ZFYVE28: variants seen among roughly 807,000 people sequenced by gnomAD.
The protein encoded by ZFYVE28 is zinc finger FYVE-type containing 28.
ZFYVE28 carries 40 observed loss-of-function variants against 82.1 expected under a neutral mutation model. That is an observed-to-expected ratio of 0.49 (90% CI 0.38 to 0.63). ZFYVE28 has a LOEUF of 0.63. Among genes scored for constraint, ZFYVE28 ranks in the 30% least tolerant of loss-of-function variants. The pLI is 0.00. For synonymous variants in ZFYVE28, 612 were observed against 546.1 expected (o/e 1.12, Z -1.68); for missense variants, 1,321 against 1,242.1 (o/e 1.06, Z -0.96).
intron 1 of ZFYVE28, among the ~76,000 whole-genome samples, chr4:2,414,545 G>A (rs901827851): frequency 4.6e-5 from 7 of 152,204 alleles, no homozygotes; most frequent in East Asian, 1.9e-4. Context: ...GCAGACAAGC[G>A]AGCTCTTCTC....
At chr4:2,383,202 T>C (rs1439459582) in intron 1 of ZFYVE28, among the ~76,000 whole-genome samples, 1 of 152,114 alleles carries the variant, frequency 6.6e-6, no homozygotes, top group Non-Finnish European at 1.5e-5. Context: ...TCCACCCAAA[T>C]CTCATCTTGA....
intron 1 of ZFYVE28, among the ~76,000 whole-genome samples, chr4:2,398,932 G>T (rs867835919): frequency 1.5e-5 from 2 of 129,356 alleles, no homozygotes; most frequent in South Asian, 3.0e-4. Context: ...GGCACAAGCG[G>T]GGGCAAGATC....
intron 7 of ZFYVE28, among the ~76,000 whole-genome samples, chr4:2,307,782 C>T (rs1716814244): frequency 6.6e-6 from 1 of 152,204 alleles, no homozygotes; most frequent in African/African-American, 2.4e-5. Context: ...CATGAGCCAC[C>T]ATGCCTGGAT....
intron 1 of ZFYVE28, among the ~76,000 whole-genome samples, chr4:2,400,242 C>G (rs189772447): frequency 6.6e-6 from 1 of 152,336 alleles, no homozygotes; most frequent in East Asian, 1.9e-4. Flanking sequence ...TTATACATAG[C>G]TGGTCTGGTC....
chr4:2,418,443 G>C lies in ZFYVE28; in HGVS notation c.-120C>G. On this transcript the variant is annotated 5_prime_UTR_variant, in exon 1 of 13. Transcript: ENST00000290974. The surrounding 1 kb of genome is among the most constrained non-coding windows in gnomAD (Gnocchi z 4.6). Reference sequence around the variant, plus strand: ...GGCCGGAGCCCCCGCGCTGTCGCAGGGAGGCTGGCTAGCGAAGCCCGGAGC... The same window carrying C: ...GGCCGGAGCCCCCGCGCTGTCGCAGCGAGGCTGGCTAGCGAAGCCCGGAGC... 1 of 820,604 alleles carries C rather than the reference G, an allele frequency of 1.2e-6. No individual in the cohort carries two copies. The highest frequency in any genetic ancestry group is 1.9e-5 in the African/African-American group (1 of 54,016). 50.8% of individuals were successfully genotyped at this position (820,604 alleles called of 1,614,324 possible).
chr4:2,408,675 G>A lies in ZFYVE28; in HGVS notation c.39+9610C>T, dbSNP rs1247690049. 2.6e-5 allele frequency among the ~76,000 whole-genome samples: 4 copies of A among 152,050 alleles called. No individual in the cohort carries two copies. The highest frequency in any genetic ancestry group is 2.6e-4 in the Admixed American group (4 of 15,272). ...CATCCAGATAGAGTCCCGCCCAGAT[G>A]AGTACCACCCAGGTAAGCCTGCCTA... On this transcript the variant is annotated intron_variant, in intron 1 of 12. Transcript: ENST00000290974. This position sits in a 1 kb window ranked among gnomAD's most constrained non-coding sequence, Gnocchi z 4.3.
At chr4:2,374,507 G>A (rs777934790) in intron 1 of ZFYVE28, among the ~76,000 whole-genome samples, 32 of 152,152 alleles carry the variant, frequency 2.1e-4, no homozygotes, top group Non-Finnish European at 4.0e-4. Context: ...CAGCCACTAG[G>A]GAGGCTGAGG....
intron 6 of ZFYVE28, chr4:2,324,755 A>C (rs1327694620): frequency 6.3e-6 from 1 of 158,348 alleles, no homozygotes; most frequent in Non-Finnish European, 1.4e-5. Flanking sequence ...CCAGGAGTAG[A>C]TAAAACCAAA....
chr4:2,359,034 G>A (rs1413681725), intron 1 of ZFYVE28, among the ~76,000 whole-genome samples: 1 of 150,522 alleles, frequency 6.6e-6, no homozygotes, highest in East Asian at 1.9e-4. Context: ...GAGTGCAGTG[G>A]TGCAATCTCA....
rs919579450 is a variant in ZFYVE28, at chr4:2,341,351, G to T, written c.318+127C>A. On this transcript the variant is annotated intron_variant, in intron 3 of 12. Coordinates refer to ENST00000290974, the MANE Select transcript of ZFYVE28 (RefSeq NM_020972.3). The surrounding 1 kb of genome is among the most constrained non-coding windows in gnomAD (Gnocchi z 4.5). Reference sequence around the variant, plus strand: ...CTCAGACCACACCACGTAACCCAGAGTGGACGGAGCTCTTGGAGGAGACAC... The same window carrying T: ...CTCAGACCACACCACGTAACCCAGATTGGACGGAGCTCTTGGAGGAGACAC... 1.5e-6 allele frequency: 2 copies of T among 1,332,926 alleles called. No individual in the cohort carries two copies. The allele number at this position is 1,332,926 out of a possible 1,614,324, so 82.6% of individuals were successfully genotyped here. A position where few individuals can be genotyped will look rare whatever the true frequency, so the allele number is the denominator to read the frequency against.
chr4:2,364,506 T>C (rs1726596353), intron 1 of ZFYVE28: 18 of 985,444 alleles, frequency 1.8e-5, no homozygotes, highest in Non-Finnish European at 1.9e-5. Context: ...GCTGTGCCTG[T>C]TTAGAGGAAT....
chr4:2,304,717 C>T lies in ZFYVE28; in HGVS notation c.1623G>A (p.Val541=), dbSNP rs889267840. ...GGGGGCCGCCATCCATCCCCTCGGC[C>T]ACGGGCTCCGAGGCGGCCTCCTGGG... The part of the protein sequence containing the change: ...VATQEAASEP[V]AEGMDGGPHK... Residue 541 remains valine (V), a synonymous_variant, in exon 8 of 13, where the codon GTG becomes GTA. Coordinates refer to ENST00000290974, the MANE Select transcript of ZFYVE28 (RefSeq NM_020972.3). 1 of 1,612,738 alleles carries T rather than the reference C, an allele frequency of 6.2e-7. No homozygotes were observed. Among genetic ancestry groups the T allele is most frequent in the South Asian group, 1.1e-5 (1 of 91,072 alleles).
chr4:2,292,253 G>A (rs1222725358), intron 8 of ZFYVE28, among the ~76,000 whole-genome samples: 3 of 152,218 alleles, frequency 2.0e-5, no homozygotes, highest in Non-Finnish European at 2.9e-5. Context: ...CCACCTTGAA[G>A]GCAGCTGTGG....
intron 1 of ZFYVE28, among the ~76,000 whole-genome samples, chr4:2,374,409 C>A (rs952415292): frequency 2.0e-5 from 3 of 151,906 alleles, no homozygotes; most frequent in Middle Eastern, 3.2e-3. Flanking sequence ...TCCAGGAGCT[C>A]GAGACCAGCC....
intron 8 of ZFYVE28, among the ~76,000 whole-genome samples, chr4:2,281,165 TAC>T (rs1560133261): frequency 6.6e-6 from 1 of 151,954 alleles, no homozygotes; most frequent in Non-Finnish European, 1.5e-5. Context: ...AGGGGCCCCA[TAC>T]AGAGATGTCA....
chr4:2,312,794 C>T (rs937914334), intron 7 of ZFYVE28, among the ~76,000 whole-genome samples: 16 of 150,404 alleles, frequency 1.1e-4, no homozygotes, highest in Non-Finnish European at 1.8e-4. Context: ...CCTATAATCC[C>T]GGCACTTTGG....
At chr4:2,407,098 C>A (rs1188098086) in intron 1 of ZFYVE28, among the ~76,000 whole-genome samples, 1 of 134,178 alleles carries the variant, frequency 7.5e-6, no homozygotes, top group Non-Finnish European at 1.6e-5. Flanking sequence ...TCCCATCTAC[C>A]CACTCCCTCC....
At chr4:2,319,433 C>G (rs1201346388) in intron 7 of ZFYVE28, among the ~76,000 whole-genome samples, 1 of 152,224 alleles carries the variant, frequency 6.6e-6, no homozygotes, top group East Asian at 1.9e-4. Context: ...GGTCACTTTT[C>G]ACTGTCTGGA....
intron 8 of ZFYVE28, among the ~76,000 whole-genome samples, chr4:2,293,281 G>A (rs897219183): frequency 1.3e-5 from 2 of 152,144 alleles, no homozygotes; most frequent in East Asian, 1.9e-4. Context: ...TATACTGGAG[G>A]TTCTGGCTGG....
Sources: gnomAD v4.1 joint callset for allele counts (sites outside exome capture counted in the v4.1 genomes callset) on GRCh38, gnomAD v4.1.1 for gene constraint, Gnocchi (gnomAD v3.1) non-coding constraint, MANE v1.5 for transcripts, NCBI Gene and HGNC (gene_info 2026-07-23, HGNC 2026-07-21) for gene names.